Variants in ST3GAL6 observed in about 807,000 individuals in gnomAD.
ST3GAL6 encodes the protein type 2 lactosamine alpha-2,3-sialyltransferase.
A neutral mutation model predicts 40.5 loss-of-function variants in ST3GAL6; 31 were observed. That is an observed-to-expected ratio of 0.77 (90% confidence interval 0.58 to 1.03). The LOEUF is 1.03. Ranked by LOEUF, ST3GAL6 falls within the 50% of genes least tolerant of loss-of-function variation. The pLI, the probability that ST3GAL6 is intolerant of heterozygous loss-of-function variation, is 0.00. For missense variants in ST3GAL6, 357 were observed against 393.2 expected (o/e 0.91, Z 0.78); for synonymous variants, 129 against 136.9 (o/e 0.94, Z 0.40).
At chr3:98,791,527 A>G (rs2107364474) in intron 8 of ST3GAL6, among the ~76,000 whole-genome samples, 1 of 152,322 alleles carries the variant, frequency 6.6e-6, no homozygotes, top group Middle Eastern at 3.4e-3. Flanking sequence ...TGTGTTTTTT[A>G]AAACAATACA....
Position 98,795,030 on chromosome 3 carries a change from T to C in ST3GAL6, c.*1269T>C, listed in dbSNP as rs1414410143. 6.6e-6 allele frequency: 1 copy of C among 152,230 alleles called. No individual in the cohort carries two copies. Among genetic ancestry groups the C allele is most frequent in the Non-Finnish European group, 1.5e-5 (1 of 68,040 alleles). 9.4% of individuals were successfully genotyped at this position (152,230 alleles called of 1,614,324 possible). ...GCTACCTAGGGTGCACCAGAGAATC[T>C]GATCCAATGCAAGCCAGTCAATCCT... is the stretch of plus-strand genomic sequence containing the variant. On this transcript the variant is annotated 3_prime_UTR_variant, in exon 10 of 10. Transcript: ENST00000483910.
At chr3:98,783,559 A>G in intron 5 of ST3GAL6, 1 of 983,066 alleles carries the variant, frequency 1.0e-6, no homozygotes. Context: ...TGCTCCATCT[A>G]TAGACTCCCA....
chr3:98,785,428 A>T (rs1390908445), intron 6 of ST3GAL6, among the ~76,000 whole-genome samples: 3 of 152,228 alleles, frequency 2.0e-5, no homozygotes, highest in African/African-American at 7.2e-5. Flanking sequence ...CACTTTGAGA[A>T]AGAGACATCT....
intron 1 of ST3GAL6, among the ~76,000 whole-genome samples, chr3:98,749,762 G>C (rs1936845311): frequency 6.6e-6 from 1 of 152,194 alleles, no homozygotes; most frequent in Admixed American, 6.5e-5. Context: ...AAAAACATAA[G>C]AATGCTTTCA....
chr3:98,776,014 T>A (rs2107234161), intron 5 of ST3GAL6, among the ~76,000 whole-genome samples: 1 of 152,338 alleles, frequency 6.6e-6, no homozygotes, highest in Admixed American at 6.5e-5. Flanking sequence ...TTTTGTAACA[T>A]CACAGATGTT....
At chr3:98,753,276 C>A (rs749717251) in intron 1 of ST3GAL6, among the ~76,000 whole-genome samples, 8 of 152,172 alleles carry the variant, frequency 5.3e-5, no homozygotes, top group Non-Finnish European at 8.8e-5. Context: ...AAGCCTGATC[C>A]CAAACAAGGC....
At chr3:98,762,907 G>T (rs1937940039), upstream of ST3GAL6, 5 of 985,380 alleles carry the variant, frequency 5.1e-6, no homozygotes, top group Non-Finnish European at 6.0e-6. Context: ...TTAGTAAGTG[G>T]TTAATAAACT....
chr3:98,756,401 G>C lies in ST3GAL6; in HGVS notation c.-11-12029G>C, dbSNP rs563684635. 4,571 of 1,289,416 alleles carry C rather than the reference G, an allele frequency of 3.5e-3. 17 individuals carry two copies. Among genetic ancestry groups the C allele is most frequent in the Non-Finnish European group, 4.3e-3 (4,259 of 988,572 alleles). 79.9% of individuals were successfully genotyped at this position (1,289,416 alleles called of 1,614,324 possible). ...AAGTGAGGAAGCAGCACAACCCTGG[G>C]TTTTAGATAATTTCTAACAGAGAGG... is the stretch of plus-strand genomic sequence containing the variant. On this transcript the variant is annotated intron_variant, in intron 1 of 9. Coordinates refer to the ST3GAL6 transcript ENST00000265261.
upstream of ST3GAL6, among the ~76,000 whole-genome samples, chr3:98,760,557 C>T (rs908351873): frequency 2.6e-5 from 4 of 152,100 alleles, no homozygotes; most frequent in African/African-American, 7.2e-5. Context: ...ATTCTTACCT[C>T]GGTCAGTGAT....
At chr3:98,744,841 G>A (rs938502087) in intron 1 of ST3GAL6, among the ~76,000 whole-genome samples, 3 of 151,950 alleles carry the variant, frequency 2.0e-5, no homozygotes, top group African/African-American at 4.8e-5. Context: ...GCTTCATTAT[G>A]CTGAACTTTG....
rs760916123 is a variant in ST3GAL6 at position 98,793,663 on chromosome 3, TTTC to T, written c.910-6_910-4del. The T allele has an allele frequency of 2.6e-6, 4 of 1,555,026 alleles. No homozygotes were observed. The highest frequency in any genetic ancestry group is 1.2e-5 in the South Asian group (1 of 81,134). On this transcript the variant is annotated splice_polypyrimidine_tract_variant and intron_variant, in intron 9 of 9. Coordinates refer to ENST00000483910, the MANE Select transcript of ST3GAL6 (RefSeq NM_001323368.2). ...GGGAAAGAATGATGGTAATTGTATT[TTTC>T]TTCTTTAGAACGCGTATCACAATGT...
At chr3:98,734,333 G>A (rs967923772) in intron 1 of ST3GAL6, among the ~76,000 whole-genome samples, 3 of 152,190 alleles carry the variant, frequency 2.0e-5, no homozygotes, top group African/African-American at 4.8e-5. Context: ...CAAGATCTGC[G>A]AAAAACGATG....
Position 98,763,392 on chromosome 3 carries a change from G to C in ST3GAL6, c.-59G>C. On this transcript the variant is annotated 5_prime_UTR_variant, in exon 1 of 10. Transcript: ENST00000483910. ...AGGATGGATGACGGCCTGTCCAGGGGCTGAATGGACACAGGTGTCAGCAGG... is the reference window on the plus strand; with the variant it reads ...AGGATGGATGACGGCCTGTCCAGGGCCTGAATGGACACAGGTGTCAGCAGG... The C allele has an allele frequency of 7.8e-7, 1 of 1,289,864 alleles. No homozygotes were observed. Among genetic ancestry groups the C allele is most frequent in the African/African-American group, 1.5e-5 (1 of 66,002 alleles). The allele number at this position is 1,289,864 out of a possible 1,614,324, so 79.9% of individuals were successfully genotyped here. A position where few individuals can be genotyped will look rare whatever the true frequency, so the allele number is the denominator to read the frequency against.
chr3:98,753,838 A>G (rs1444326206), intron 1 of ST3GAL6, among the ~76,000 whole-genome samples: 2 of 152,224 alleles, frequency 1.3e-5, no homozygotes, highest in East Asian at 1.9e-4. Flanking sequence ...CCTGTGTGCT[A>G]TAAAGGAACA....
intron 1 of ST3GAL6, among the ~76,000 whole-genome samples, chr3:98,747,786 CAT>C (rs1936674106): frequency 6.6e-6 from 1 of 152,062 alleles, no homozygotes; most frequent in Non-Finnish European, 1.5e-5. Context: ...AAAACAATAT[CAT>C]ATACTCTATA....
At chr3:98,739,960 T>C (rs1576022355) in intron 1 of ST3GAL6, among the ~76,000 whole-genome samples, 1 of 152,218 alleles carries the variant, frequency 6.6e-6, no homozygotes, top group East Asian at 1.9e-4. Flanking sequence ...GAGCTTTCTG[T>C]TGTAAGTGAT....
chr3:98,745,977 C>A (rs3772087), intron 1 of ST3GAL6, among the ~76,000 whole-genome samples: 1 of 151,928 alleles, frequency 6.6e-6, no homozygotes, highest in Admixed American at 6.6e-5. Flanking sequence ...GTCCTTACAC[C>A]CTGAGATTTC....
At chr3:98,785,123 G>A in intron 6 of ST3GAL6, 83 bp downstream of exon 6, 1 of 950,644 alleles carries the variant, frequency 1.1e-6, no homozygotes. Flanking sequence ...GTTTTGACAG[G>A]AAGGGGAGAT....
At chr3:98,773,808 A>G (rs1332532154) in intron 4 of ST3GAL6, 112 bp from the exon 5 acceptor site, 6 of 723,012 alleles carry the variant, frequency 8.3e-6, no homozygotes, top group South Asian at 1.9e-5. Context: ...GAATAAATCA[A>G]TGTGGCCATG....
Sources: gnomAD v4.1 joint callset for allele counts (sites outside exome capture counted in the v4.1 genomes callset) on GRCh38, gnomAD v4.1.1 for gene constraint, MANE v1.5 for transcripts, NCBI Gene and HGNC (gene_info 2026-07-23, HGNC 2026-07-21) for gene names.